Variants in LCMT1 observed in about 807,000 individuals in gnomAD.
The protein encoded by LCMT1 is leucine carboxyl methyltransferase 1.
In LCMT1, 32 loss-of-function variants were observed where a neutral mutation model predicts 47.7. That is an observed-to-expected ratio of 0.67 (90% confidence interval 0.51 to 0.90). The LOEUF (loss-of-function observed/expected upper bound fraction) is 0.90. LCMT1 is among the 40% of genes least tolerant of loss of function. The probability of loss-of-function intolerance (pLI) is 0.00; values close to 1 mark genes in which losing one functional copy is unlikely to be tolerated. For synonymous variants in LCMT1, 152 were observed against 149.7 expected, an observed-to-expected ratio of 1.02 and a Z score of -0.11; for missense variants, 375 against 415.2, an observed-to-expected ratio of 0.90 and a Z score of 0.84.
At chr16:25,151,188 A>G (rs978508111) in intron 4 of LCMT1, among the ~76,000 whole-genome samples, 3 of 152,232 alleles carry the variant, frequency 2.0e-5, no homozygotes, top group African/African-American at 7.2e-5. Context: ...TTGATTGAGA[A>G]TAGGCAGCAA....
In LCMT1 at chr16:25,172,189, C is replaced by A. The variant is rs186382381; in HGVS notation, c.884+1384C>A. ...GGGCATGGTGGCGGGCGCCTGTAAT[C>A]CCAGTTACTTGGGAGGCTGAGGCAG... is the stretch of plus-strand genomic sequence containing the variant. On this transcript the variant is annotated intron_variant, in intron 9 of 10. Coordinates refer to ENST00000399069, the MANE Select transcript of LCMT1 (RefSeq NM_016309.3). Among the ~76,000 whole-genome samples the A allele has an allele frequency of 3.3e-5, 5 of 152,026 alleles. No homozygotes were observed. In the East Asian group the frequency reaches 9.7e-4, roughly 29 times the overall value.
chr16:25,143,153 C>T (rs971795073), intron 4 of LCMT1: 4 of 152,052 alleles, frequency 2.6e-5, no homozygotes, highest in African/African-American at 7.2e-5. Flanking sequence ...TGTCCTAAAT[C>T]GATACTGTAA....
intron 4 of LCMT1, among the ~76,000 whole-genome samples, chr16:25,149,992 A>G (rs1453418708): frequency 6.6e-6 from 1 of 152,032 alleles, no homozygotes; most frequent in Non-Finnish European, 1.5e-5. Flanking sequence ...ATATGAATGA[A>G]TGAATGGAAG....
intron 1 of LCMT1, 60 bp from the exon 2 acceptor site, chr16:25,128,414 TG>T: frequency 7.9e-7 from 1 of 1,264,792 alleles, no homozygotes; most frequent in Non-Finnish European, 1.1e-6. Context: ...AACTTGGCAG[TG>T]GACCTTGGTC....
chr16:25,120,922 AT>A (rs56817833), intron 1 of LCMT1, among the ~76,000 whole-genome samples: 3,309 of 97,376 alleles, frequency 0.034, 96 homozygotes, highest in African/African-American at 0.11. Context: ...CTGATTTTGT[AT>A]TTTTTTTTTT....
At chr16:25,118,849 G>T (rs1959880698) in intron 1 of LCMT1, among the ~76,000 whole-genome samples, 1 of 152,086 alleles carries the variant, frequency 6.6e-6, no homozygotes, top group Admixed American at 6.6e-5. Flanking sequence ...GAGCATGGGT[G>T]CAGGAGGCGG....
At chr16:25,145,447 T>G (rs548166803) in intron 4 of LCMT1, 13 of 152,310 alleles carry the variant, frequency 8.5e-5, no homozygotes, top group African/African-American at 3.1e-4. Context: ...TTTCTGGGTA[T>G]CAGAGATTTC....
chr16:25,140,061 T>G (rs942610963), intron 3 of LCMT1, 110 bp from the exon 4 acceptor site: 3 of 755,478 alleles, frequency 4.0e-6, no homozygotes, highest in Non-Finnish European at 6.7e-6. Context: ...GTCCCCTGAT[T>G]TAAAAATCCT....
At chr16:25,146,165 C>T (rs969056607) in intron 4 of LCMT1, 5 of 152,274 alleles carry the variant, frequency 3.3e-5, no homozygotes, top group Non-Finnish European at 5.9e-5. Context: ...CATTACCCTG[C>T]AATTGCAATT....
At chr16:25,123,892 A>G (rs1960078894) in intron 1 of LCMT1, among the ~76,000 whole-genome samples, 1 of 152,150 alleles carries the variant, frequency 6.6e-6, no homozygotes, top group Non-Finnish European at 1.5e-5. Flanking sequence ...CACAAGCGTG[A>G]GCCACTACAC....
Position 25,111,866 on chromosome 16 carries a change from C to G in LCMT1, c.-18C>G, listed in dbSNP as rs934906769. ...TCCATGTCCCTGGCGGACACAGCTC[C>G]CAGGAACCTCCACGCCCATGGCCAC... On this transcript the variant is annotated 5_prime_UTR_variant, in exon 1 of 11. Coordinates refer to ENST00000399069, the MANE Select transcript of LCMT1 (RefSeq NM_016309.3). 3.2e-6 allele frequency: 5 copies of G among 1,574,228 alleles called. No homozygotes were observed. Among genetic ancestry groups the G allele is most frequent in the Non-Finnish European group, 4.4e-6 (5 of 1,146,426 alleles).
chr16:25,152,084 CAA>C (rs1233359583), intron 5 of LCMT1, among the ~76,000 whole-genome samples: 2 of 152,072 alleles, frequency 1.3e-5, no homozygotes, highest in Non-Finnish European at 2.9e-5. Flanking sequence ...CCTCTGACAT[CAA>C]AAGGTGAAGC....
chr16:25,134,018 G>A (rs1182699683), intron 3 of LCMT1, among the ~76,000 whole-genome samples: 1 of 146,594 alleles, frequency 6.8e-6, no homozygotes, highest in Admixed American at 6.8e-5. Context: ...GGCGACGAGT[G>A]AGACTTCGTC....
At chr16:25,120,874 G>C (rs1239895959) in intron 1 of LCMT1, among the ~76,000 whole-genome samples, 1 of 148,426 alleles carries the variant, frequency 6.7e-6, no homozygotes, top group Admixed American at 6.8e-5. Context: ...TCAGTGTCCC[G>C]AGTAGCTGGG....
rs373363976 is a variant in LCMT1, at chr16:25,111,965, G to T, written c.82G>T (p.Gly28Cys). 3.1e-6 allele frequency: 5 copies of T among 1,613,518 alleles called. No homozygotes were observed. Among genetic ancestry groups the T allele is most frequent in the South Asian group, 1.1e-5 (1 of 91,080 alleles). ...SCDADDEGVR[G>C]TCEDASLCKR... is the part of the protein sequence containing the mutation. ...CGACGCAGACGACGAGGGCGTGCGC[G>T]GCACCTGCGAAGATGCTTCCCTGTG... The change falls in exon 1 of 11, where the codon GGC becomes TGC. Residue 28 changes from glycine (G) to cysteine (C), a missense_variant. Physicochemically the swap from Gly to Cys is radical, Grantham distance 159. Transcript: ENST00000399069.
At chr16:25,168,332 G>GC (rs1406154432) in intron 7 of LCMT1, among the ~76,000 whole-genome samples, 1 of 152,138 alleles carries the variant, frequency 6.6e-6, no homozygotes, top group African/African-American at 2.4e-5. Context: ...TACAGACATG[G>GC]CCACCATGCC....
At chr16:25,154,355 T>C (rs371650905) in intron 5 of LCMT1, among the ~76,000 whole-genome samples, 47 of 152,238 alleles carry the variant, frequency 3.1e-4, no homozygotes, top group African/African-American at 1.1e-3. Flanking sequence ...TGAATGCTAG[T>C]GAGATGGAGC....
intron 1 of LCMT1, among the ~76,000 whole-genome samples, chr16:25,114,810 G>A (rs892909102): frequency 3.3e-5 from 5 of 151,944 alleles, no homozygotes; most frequent in Non-Finnish European, 7.4e-5. Flanking sequence ...TTTGAGCTTT[G>A]TGTCCTCCTG....
At chr16:25,132,878 G>C (rs1467875377) in intron 3 of LCMT1, among the ~76,000 whole-genome samples, 1 of 138,852 alleles carries the variant, frequency 7.2e-6, no homozygotes, top group Non-Finnish European at 1.5e-5. Context: ...TTTTTTTTGA[G>C]CCAGAGTCTT....
Sources: gnomAD v4.1 joint callset for allele counts (sites outside exome capture counted in the v4.1 genomes callset) on GRCh38, gnomAD v4.1.1 for gene constraint, MANE v1.5 for transcripts, NCBI Gene and HGNC (gene_info 2026-07-23, HGNC 2026-07-21) for gene names.